The following RASSF8 variants were observed in gnomAD, a reference collection of about 807,000 sequenced individuals.
The protein encoded by RASSF8 is ras association domain-containing protein 8.
Under a neutral mutation model 48.5 loss-of-function variants are expected in RASSF8, and 22 were observed. The observed-to-expected ratio is 0.45, with a 90% CI of 0.32 to 0.65. The LOEUF is 0.65. Among genes scored for constraint, RASSF8 ranks in the 30% least tolerant of loss-of-function variants. RASSF8 has a pLI of 0.03. For missense variants in RASSF8, 418 were observed against 489.2 expected (o/e 0.85, Z 1.37); for synonymous variants, 127 against 171.5 (o/e 0.74, Z 2.03).
chr12:26,021,532 T>A (rs1344330454), intron 2 of RASSF8: 2 of 152,166 alleles, frequency 1.3e-5, no homozygotes, highest in Non-Finnish European at 2.9e-5. Context: ...AGTGTGCCAA[T>A]GTGGTCAGAG....
At chr12:26,025,304 T>C (rs907875493) in intron 2 of RASSF8, among the ~76,000 whole-genome samples, 16 of 152,096 alleles carry the variant, frequency 1.1e-4, no homozygotes, top group Admixed American at 7.9e-4. Context: ...ACGCCTGTAA[T>C]CCCAGCACTT....
chr12:25,998,828 G>A (rs904446980), intron 2 of RASSF8, among the ~76,000 whole-genome samples: 1 of 151,814 alleles, frequency 6.6e-6, no homozygotes, highest in African/African-American at 2.4e-5. Context: ...AAAATAAATA[G>A]GGAGAGTTCA....
At chr12:26,038,608 AACAC>A (rs57536643) in intron 2 of RASSF8, among the ~76,000 whole-genome samples, 9,611 of 144,812 alleles carry the variant, frequency 0.066, 419 homozygotes, top group East Asian at 0.17. Flanking sequence ...TTCTTATTAA[AACAC>A]ACACACACAC....
chr12:25,996,468 G>A (rs928729787), intron 2 of RASSF8, among the ~76,000 whole-genome samples: 4 of 152,132 alleles, frequency 2.6e-5, no homozygotes, highest in Non-Finnish European at 5.9e-5. Flanking sequence ...GAGGCTTAAT[G>A]TTTGGGGATT....
At chr12:26,050,448 A>G (rs1347261726) in intron 2 of RASSF8, among the ~76,000 whole-genome samples, 1 of 152,206 alleles carries the variant, frequency 6.6e-6, no homozygotes, top group Non-Finnish European at 1.5e-5. Flanking sequence ...ATTTGAAAAG[A>G]CATTATTTCA....
intron 1 of RASSF8, among the ~76,000 whole-genome samples, chr12:25,977,109 A>G (rs1941624425): frequency 6.6e-6 from 1 of 152,234 alleles, no homozygotes; most frequent in Admixed American, 6.5e-5. Context: ...AATTAAGCTC[A>G]GAAAGCCTAA....
In RASSF8 at chr12:26,059,589, A is replaced by G. The variant is rs73282918; in HGVS notation, c.103+4143A>G. 2.7e-3 allele frequency among the ~76,000 whole-genome samples: 416 copies of G among 152,188 alleles called. 3 individuals are homozygous for G. Among genetic ancestry groups the G allele is most frequent in the African/African-American group, 9.4e-3 (390 of 41,534 alleles). ...TCTTCATATGCTTTTTGTAGTTTTG[A>G]GTCTCATTGTCTCATTTTTCATTTA... On this transcript the variant is annotated intron_variant, in intron 3 of 5. Transcript: ENST00000689635.
chr12:26,076,496 A>G (rs898468562), downstream of RASSF8, among the ~76,000 whole-genome samples: 12 of 152,070 alleles, frequency 7.9e-5, no homozygotes, highest in African/African-American at 2.7e-4. Context: ...GTTCCCACCT[A>G]TGAGTGAGAA....
intron 2 of RASSF8, among the ~76,000 whole-genome samples, chr12:26,025,114 A>T (rs1942877006): frequency 1.3e-5 from 2 of 152,230 alleles, no homozygotes; most frequent in African/African-American, 4.8e-5. Flanking sequence ...TGTCAACCTG[A>T]TGAATGGCAT....
intron 2 of RASSF8, among the ~76,000 whole-genome samples, chr12:26,053,584 G>T (rs899872940): frequency 1.3e-5 from 2 of 148,850 alleles, no homozygotes; most frequent in Admixed American, 6.8e-5. Flanking sequence ...AGCTGTAAAG[G>T]AACTTGTTTA....
At chr12:26,042,684 A>C (rs1429913288) in intron 2 of RASSF8, among the ~76,000 whole-genome samples, 1 of 152,086 alleles carries the variant, frequency 6.6e-6, no homozygotes, top group Non-Finnish European at 1.5e-5. Flanking sequence ...AGTATGATTT[A>C]CTTGAGCATT....
intron 1 of RASSF8, among the ~76,000 whole-genome samples, chr12:25,977,436 C>G (rs1941633389): frequency 6.6e-6 from 1 of 152,156 alleles, no homozygotes; most frequent in Non-Finnish European, 1.5e-5. Flanking sequence ...ATTTAAGGAA[C>G]AACCCAACTT....
At chr12:26,058,692 A>G (rs1481514773) in intron 3 of RASSF8, among the ~76,000 whole-genome samples, 1 of 152,240 alleles carries the variant, frequency 6.6e-6, no homozygotes, top group Non-Finnish European at 1.5e-5. Context: ...GCAAATATAT[A>G]TATGACAGCT....
chr12:25,962,277 T>C (rs894399170), intron 1 of RASSF8, among the ~76,000 whole-genome samples: 1 of 152,196 alleles, frequency 6.6e-6, no homozygotes, highest in East Asian at 1.9e-4. Context: ...TATTTTAGGA[T>C]CATCTCCTTG....
intron 1 of RASSF8, among the ~76,000 whole-genome samples, chr12:25,981,888 A>G (rs1238583581): frequency 6.6e-6 from 1 of 152,216 alleles, no homozygotes; most frequent in Non-Finnish European, 1.5e-5. Flanking sequence ...TCTTAGGTCT[A>G]TATCAAATTT....
chr12:26,070,824 T>C lies in RASSF8; in HGVS notation c.*2006T>C, dbSNP rs895160484. 2 of 983,292 alleles carry C rather than the reference T, an allele frequency of 2.0e-6. No individual in the cohort carries two copies. The highest frequency in any genetic ancestry group is 2.4e-6 in the Non-Finnish European group (2 of 828,112). 60.9% of individuals were successfully genotyped at this position (983,292 alleles called of 1,614,324 possible). ...TTAAACTGGAGGCAGTATTAAACTT[T>C]GCAATTAGGAGTTTCAGAGATGCCT... is the stretch of plus-strand genomic sequence containing the variant. On this transcript the variant is annotated 3_prime_UTR_variant, in exon 6 of 6. Coordinates refer to ENST00000689635, the MANE Select transcript of RASSF8 (RefSeq NM_001394098.1).
Position 25,997,344 on chromosome 12 carries a change from C to G in RASSF8, c.-109+2214C>G, listed in dbSNP as rs1942156763. ...TTAGTTCTATAATAGTTCAAAACTG[C>G]CTTCCAAGTAATTTTCCATACTTTC... On this transcript the variant is annotated intron_variant, in intron 2 of 5. Coordinates refer to ENST00000689635, the MANE Select transcript of RASSF8 (RefSeq NM_001394098.1). 2.0e-5 allele frequency among the ~76,000 whole-genome samples: 3 copies of G among 152,084 alleles called. No homozygotes were observed. The South Asian group carries it at 6.2e-4, about 32-fold the overall frequency.
In RASSF8 at chr12:25,958,890, C is replaced by T. The variant is rs1298194218; in HGVS notation, c.-461C>T. 6.8e-6 allele frequency: 1 copy of T among 147,114 alleles called. No homozygotes were observed. Among genetic ancestry groups the T allele is most frequent in the Non-Finnish European group, 1.5e-5 (1 of 66,016 alleles). 9.1% of individuals were successfully genotyped at this position (147,114 alleles called of 1,614,324 possible). On this transcript the variant is annotated 5_prime_UTR_variant, in exon 1 of 6. Transcript: ENST00000689635. ...CGGCGTCTCTGCCGCTGGCCGAGCG[C>T]TCGCGCACCGCGGCACCCCCGCCAG...
rs145348943 is a variant in RASSF8, at chr12:25,993,007, G to A, written c.-202-2030G>A. Among the ~76,000 whole-genome samples the A allele has an allele frequency of 8.8e-3, 1,345 of 152,282 alleles. 17 individuals carry two copies. The highest frequency in any genetic ancestry group is 0.044 in the Middle Eastern group (13 of 294). The stretch of plus-strand genomic sequence containing the variant: ...TGGTGAAGAGTGAACAATGGATTGA[G>A]TAGTTAGGAGGTTGTAGGAATCAAT... On this transcript the variant is annotated intron_variant, in intron 1 of 5. Coordinates refer to ENST00000689635, the MANE Select transcript of RASSF8 (RefSeq NM_001394098.1).
Sources: gnomAD v4.1 joint callset for allele counts (sites outside exome capture counted in the v4.1 genomes callset) on GRCh38, gnomAD v4.1.1 for gene constraint, MANE v1.5 for transcripts, NCBI Gene and HGNC (gene_info 2026-07-23, HGNC 2026-07-21) for gene names.